The following ZFHX3 variants were observed in gnomAD, a reference collection of about 807,000 sequenced individuals.
The protein encoded by ZFHX3 is zinc finger homeobox 3.
A neutral mutation model predicts 279.1 loss-of-function variants in ZFHX3; 42 were observed. The ratio of observed to expected loss-of-function variants is 0.15; its 90% confidence interval spans 0.12 to 0.19. The LOEUF (loss-of-function observed/expected upper bound fraction) is 0.19, where lower values mean the gene tolerates loss of function less well. Ranked by LOEUF, ZFHX3 falls within the 10% of genes least tolerant of loss-of-function variation. The pLI, the probability that ZFHX3 is intolerant of heterozygous loss-of-function variation, is 1.00. For missense variants in ZFHX3, 4,981 were observed against 4,754.0 expected, an observed-to-expected ratio of 1.05 and a Z score of -1.40; for synonymous variants, 2,293 against 1,957.8, an observed-to-expected ratio of 1.17 and a Z score of -4.52.
chr16:72,922,762 C>A (rs781675525), intron 3 of ZFHX3, among the ~76,000 whole-genome samples: 4 of 152,104 alleles, frequency 2.6e-5, no homozygotes, highest in Non-Finnish European at 4.4e-5. Flanking sequence ...GTTTTTAGAA[C>A]AGGATATTCT....
At chr16:73,879,080 C>T (rs2030054303) in intron 1 of ZFHX3, among the ~76,000 whole-genome samples, 1 of 151,630 alleles carries the variant, frequency 6.6e-6, no homozygotes, top group Non-Finnish European at 1.5e-5. Context: ...CTTCTTCCAA[C>T]TTCTCTTGAG....
At chr16:73,605,674 G>A (rs2052170777) in intron 2 of ZFHX3, among the ~76,000 whole-genome samples, 1 of 151,642 alleles carries the variant, frequency 6.6e-6, no homozygotes, top group African/African-American at 2.4e-5. Flanking sequence ...TATGGGGGAA[G>A]GCTGGTCTAG....
In ZFHX3 at chr16:73,751,448, A is replaced by G. The variant is rs531055941; in HGVS notation, c.-1607-71208T>C. ...TTAAAAATATGCATGTATATTCTCG[A>G]TCATTGGACAACATTGTACCTGGAA... On this transcript the variant is annotated intron_variant, in intron 1 of 17. Coordinates refer to the ZFHX3 transcript ENST00000641206. Among the ~76,000 whole-genome samples the G allele has an allele frequency of 2.4e-4, 36 of 152,328 alleles. No homozygotes were observed. The South Asian group carries it at 6.8e-3, about 29-fold the overall frequency.
At chr16:72,970,144 G>A (rs1277615172) in intron 1 of ZFHX3, among the ~76,000 whole-genome samples, 3 of 151,998 alleles carry the variant, frequency 2.0e-5, no homozygotes, top group Non-Finnish European at 2.9e-5. Context: ...GGCAACAGGA[G>A]AGAGTCGTGA....
intron 2 of ZFHX3, among the ~76,000 whole-genome samples, chr16:73,606,219 C>T (rs12598717): frequency 0.58 from 72,262 of 125,062 alleles, 23,441 homozygotes; most frequent in East Asian, 0.82. Flanking sequence ...AAAAAAAAAT[C>T]CATGCTAGGC....
exon 7 of ZFHX3, chr16:73,130,982 C>T (rs762484721): frequency 4.1e-5 from 54 of 1,305,120 alleles, no homozygotes; most frequent in African/African-American, 1.1e-4. Context: ...ATGCAACTGC[C>T]GCTTTGTGCC....
intron 4 of ZFHX3, among the ~76,000 whole-genome samples, chr16:72,861,590 A>G (rs749785045): frequency 1.3e-5 from 2 of 152,232 alleles, no homozygotes; most frequent in Non-Finnish European, 2.9e-5. Flanking sequence ...CTGGAAAACC[A>G]GAGTCCAGGA....
At chr16:73,589,607 G>A (rs1053303395) in intron 2 of ZFHX3, among the ~76,000 whole-genome samples, 5 of 151,312 alleles carry the variant, frequency 3.3e-5, no homozygotes, top group African/African-American at 9.7e-5. Flanking sequence ...GTGGGTGCCT[G>A]TAGTCCCAGC....
At chr16:72,837,126 G>A (rs2037212223) in intron 4 of ZFHX3, among the ~76,000 whole-genome samples, 1 of 152,206 alleles carries the variant, frequency 6.6e-6, no homozygotes, top group Non-Finnish European at 1.5e-5. Flanking sequence ...GGGACAGAGT[G>A]TGGGAAAAAC....
At chr16:73,529,477 G>C (rs1000312497) in intron 2 of ZFHX3, among the ~76,000 whole-genome samples, 6 of 152,150 alleles carry the variant, frequency 3.9e-5, no homozygotes, top group African/African-American at 1.4e-4. Flanking sequence ...AGGCAGGGAG[G>C]TTACTGGCAG....
chr16:73,073,501 GTTTGT>G (rs1006451195), intron 8 of ZFHX3, among the ~76,000 whole-genome samples: 9 of 152,108 alleles, frequency 5.9e-5, no homozygotes, highest in African/African-American at 2.2e-4. Flanking sequence ...GCTGGATTTT[GTTTGT>G]TTTGTTTTTT....
chr16:73,882,914 G>A (rs1174134361), intron 1 of ZFHX3, among the ~76,000 whole-genome samples: 1 of 152,052 alleles, frequency 6.6e-6, no homozygotes, highest in Non-Finnish European at 1.5e-5. Flanking sequence ...TGGGTCATTT[G>A]TTCCCTTGAT....
At chr16:72,951,942 T>C (rs1465042720) in intron 2 of ZFHX3, among the ~76,000 whole-genome samples, 5 of 152,202 alleles carry the variant, frequency 3.3e-5, no homozygotes, top group Admixed American at 6.5e-5. Context: ...GGATAGTGCA[T>C]CTCTAAAGCA....
intron 3 of ZFHX3, among the ~76,000 whole-genome samples, chr16:72,926,418 CT>C (rs111949605): frequency 1.1e-4 from 17 of 152,302 alleles, no homozygotes; most frequent in African/African-American, 4.1e-4. Context: ...TTTCCAAACA[CT>C]TGTGTGTATT....
intron 1 of ZFHX3, among the ~76,000 whole-genome samples, chr16:73,779,349 T>C (rs1255432014): frequency 6.6e-6 from 1 of 152,144 alleles, no homozygotes; most frequent in East Asian, 1.9e-4. Flanking sequence ...AAGTTAGTGA[T>C]GAAAAGAATT....
intron 1 of ZFHX3, among the ~76,000 whole-genome samples, chr16:73,681,947 A>T (rs1259407226): frequency 6.6e-6 from 1 of 152,220 alleles, no homozygotes; most frequent in African/African-American, 2.4e-5. Context: ...GTATCTAATA[A>T]ATAGGGATAA....
chr16:73,323,772 C>T (rs915656913), intron 3 of ZFHX3, among the ~76,000 whole-genome samples: 1 of 152,144 alleles, frequency 6.6e-6, no homozygotes, highest in African/African-American at 2.4e-5. Context: ...AGTGAAGACT[C>T]TGAGAGAGCA....
chr16:73,759,992 C>T (rs979213372), intron 1 of ZFHX3, among the ~76,000 whole-genome samples: 4 of 142,504 alleles, frequency 2.8e-5, no homozygotes, highest in African/African-American at 5.1e-5. Context: ...TTCAAAACAT[C>T]AATGAATCCA....
chr16:73,236,456 G>A (rs1379708607), intron 5 of ZFHX3, among the ~76,000 whole-genome samples: 3 of 152,164 alleles, frequency 2.0e-5, no homozygotes, highest in African/African-American at 7.2e-5. Context: ...CAGGCCTGGT[G>A]GCACATGTCT....
Sources: allele counts gnomAD v4.1 joint callset (sites outside exome capture counted in the v4.1 genomes callset), GRCh38; gene constraint gnomAD v4.1.1; transcripts MANE v1.5; gene names NCBI Gene and HGNC (gene_info 2026-07-23, HGNC 2026-07-21).